Variants in BLK observed in about 807,000 individuals in gnomAD.
BLK encodes the protein BLK proto-oncogene, Src family tyrosine kinase, also known as tyrosine-protein kinase Blk.
Under a neutral mutation model 61.8 loss-of-function variants are expected in BLK, and 64 were observed. That is an observed-to-expected ratio of 1.03 (90% CI 0.85 to 1.27). The LOEUF (loss-of-function observed/expected upper bound fraction) is 1.27, where lower values mean the gene tolerates loss of function less well. BLK is among the 50% of genes most tolerant of loss of function. The pLI is 0.00. For synonymous variants in BLK, 351 were observed against 272.0 expected (o/e 1.29, Z -2.86); for missense variants, 853 against 660.5 (o/e 1.29, Z -3.19).
At chr8:11,538,763 A>G (rs983290191) in intron 1 of BLK, among the ~76,000 whole-genome samples, 2 of 152,216 alleles carry the variant, frequency 1.3e-5, no homozygotes, top group African/African-American at 4.8e-5. Context: ...AGGGAGGCTG[A>G]GAGAGGCCAC....
intron 10 of BLK, chr8:11,560,215 ATGCATGCATGGATGGATGAATGGG>A: frequency 1.8e-5 from 2 of 111,054 alleles, no homozygotes; most frequent in African/African-American, 3.9e-5. Flanking sequence ...GGATGGATGG[ATGCATGCATGGATGGATGAATGGG>A]TGGATGGATG....
chr8:11,500,526 G>T, intron 1 of BLK, among the ~76,000 whole-genome samples: 1 of 149,684 alleles, frequency 6.7e-6, no homozygotes, highest in Non-Finnish European at 1.5e-5. Context: ...TTTTGTTTTT[G>T]TTTGTTTGAG....
At chr8:11,500,572 G>A (rs1315147969) in intron 1 of BLK, among the ~76,000 whole-genome samples, 2 of 151,042 alleles carry the variant, frequency 1.3e-5, no homozygotes, top group African/African-American at 4.9e-5. Context: ...CTGGAGTGCA[G>A]TGGTGTAATC....
At chr8:11,558,193 C>T (rs749638169) in intron 10 of BLK, among the ~76,000 whole-genome samples, 155 bp downstream of exon 10, 8 of 152,208 alleles carry the variant, frequency 5.3e-5, no homozygotes, top group Non-Finnish European at 1.0e-4. Context: ...CCAAGGTCAC[C>T]CACTGCACTT....
chr8:11,507,070 C>G (rs984609922), intron 1 of BLK, among the ~76,000 whole-genome samples: 1 of 152,242 alleles, frequency 6.6e-6, no homozygotes, highest in African/African-American at 2.4e-5. Flanking sequence ...CCTGTCCCAT[C>G]TGCTGACAGA....
chr8:11,526,226 T>G (rs778945293), intron 1 of BLK, among the ~76,000 whole-genome samples: 3 of 152,234 alleles, frequency 2.0e-5, no homozygotes, highest in Admixed American at 2.0e-4. Flanking sequence ...CACTCCCCTC[T>G]CCATTTCCTA....
chr8:11,503,900 G>C (rs1055237091), intron 1 of BLK, among the ~76,000 whole-genome samples: 18 of 152,168 alleles, frequency 1.2e-4, no homozygotes, highest in African/African-American at 4.3e-4. Context: ...CCAGACAAGT[G>C]TCCTGTGGGA....
At position 11,564,291 on chromosome 8, in the gene BLK, G is replaced by A. The variant is rs924415794; in HGVS notation, c.*183G>A. The stretch of plus-strand genomic sequence containing the variant: ...GGACTCCTTCACCGACTGCACCCCC[G>A]GGCGAGTTACGCGGCCTCTCTGTGC... On this transcript the variant is annotated 3_prime_UTR_variant, in exon 13 of 13. Coordinates refer to ENST00000259089, the MANE Select transcript of BLK (RefSeq NM_001715.3). 16 of 766,052 alleles carry A rather than the reference G, an allele frequency of 2.1e-5. No individual in the cohort carries two copies. Among genetic ancestry groups the A allele is most frequent in the Non-Finnish European group, 3.6e-5 (16 of 445,744 alleles). The allele number at this position is 766,052 out of a possible 1,614,324, so 47.5% of individuals were successfully genotyped here.
At chr8:11,500,543 TC>T (rs1798517646) in intron 1 of BLK, among the ~76,000 whole-genome samples, 1 of 151,672 alleles carries the variant, frequency 6.6e-6, no homozygotes, top group African/African-American at 2.4e-5. Flanking sequence ...TGAGATAGGG[TC>T]TCGCTCTGCC....
rs542282977 is a variant in BLK, at chr8:11,495,524, C to T, written c.-2+933C>T. Among the ~76,000 whole-genome samples, 14 of 152,306 alleles carry T rather than the reference C, an allele frequency of 9.2e-5. No individual in the cohort carries two copies. In the East Asian group the frequency reaches 1.7e-3, roughly 19 times the overall value. On this transcript the variant is annotated intron_variant, in intron 1 of 12. Transcript: ENST00000259089. ...GCTGGGCTGCTATTGTGAACTGCCA[C>T]GACAGTGCGGTTCTTCCCACCAACT... is the stretch of plus-strand genomic sequence containing the variant.
At chr8:11,550,921 A>G (rs1363573115) in intron 6 of BLK, among the ~76,000 whole-genome samples, 1 of 152,210 alleles carries the variant, frequency 6.6e-6, no homozygotes. Flanking sequence ...TAGGGTAATA[A>G]TAAACAAATC....
At chr8:11,559,765 A>G (rs753501899) in intron 10 of BLK, 15 of 456,268 alleles carry the variant, frequency 3.3e-5, no homozygotes, top group South Asian at 2.3e-4. Context: ...CTGCCCAGGA[A>G]GCCTTGAACA....
At chr8:11,504,755 T>C (rs1487017803) in intron 1 of BLK, among the ~76,000 whole-genome samples, 2 of 152,210 alleles carry the variant, frequency 1.3e-5, no homozygotes, top group Non-Finnish European at 2.9e-5. Flanking sequence ...AGATGAGGCC[T>C]GATAAGGGTG....
In BLK at chr8:11,515,332, G is replaced by C. The variant is rs973673181; in HGVS notation, c.-2+20741G>C. Among the ~76,000 whole-genome samples, 5 of 152,194 alleles carry C rather than the reference G, an allele frequency of 3.3e-5. No individual in the cohort carries two copies. In the East Asian group the frequency reaches 9.6e-4, roughly 29 times the overall value. ...CAGTCTTCATTTCTTTACCTGTAGA[G>C]TGGAGGTCTGGAAGCCGGCCTCCTG... On this transcript the variant is annotated intron_variant, in intron 1 of 12. Transcript: ENST00000259089.
intron 1 of BLK, among the ~76,000 whole-genome samples, chr8:11,528,459 T>A (rs1202006713): frequency 6.6e-6 from 1 of 152,204 alleles, no homozygotes; most frequent in Non-Finnish European, 1.5e-5. Flanking sequence ...CATGTCAGAT[T>A]TCTCTTACTG....
chr8:11,530,497 G>C (rs1174133059), intron 1 of BLK, among the ~76,000 whole-genome samples: 1 of 152,196 alleles, frequency 6.6e-6, no homozygotes, highest in Non-Finnish European at 1.5e-5. Flanking sequence ...GTCTCCAACT[G>C]TGTCTTGCTA....
At chr8:11,534,717 G>A (rs574978643) in intron 1 of BLK, among the ~76,000 whole-genome samples, 30 of 152,240 alleles carry the variant, frequency 2.0e-4, no homozygotes, top group Admixed American at 4.6e-4. Flanking sequence ...TAACTGTGCC[G>A]AAGTACCTAA....
intron 1 of BLK, among the ~76,000 whole-genome samples, chr8:11,503,050 C>T (rs984863434): frequency 2.0e-5 from 3 of 152,196 alleles, no homozygotes; most frequent in African/African-American, 7.2e-5. Context: ...CTACTCTCTG[C>T]TGGCCTCTTT....
intron 1 of BLK, among the ~76,000 whole-genome samples, chr8:11,505,567 C>A (rs1035405150): frequency 6.6e-6 from 1 of 152,204 alleles, no homozygotes; most frequent in African/African-American, 2.4e-5. Flanking sequence ...TTCGTTCAGG[C>A]CCTCCCCCTT....
Sources: allele counts gnomAD v4.1 joint callset (sites outside exome capture counted in the v4.1 genomes callset), GRCh38; gene constraint gnomAD v4.1.1; transcripts MANE v1.5; gene names NCBI Gene and HGNC (gene_info 2026-07-23, HGNC 2026-07-21).